SPMIP2: variants seen among roughly 807,000 people sequenced by gnomAD.
The protein encoded by SPMIP2 is protein SPMIP2.
At chr4:159,054,841 T>C in the SPMIP2 span, among the ~76,000 whole-genome samples, 5 of 126,378 alleles carry the variant, frequency 4.0e-5, no homozygotes, top group Admixed American at 9.1e-5. Flanking sequence ...GCCACTCACA[T>C]AGAAAATGCT....
the SPMIP2 span, among the ~76,000 whole-genome samples, chr4:159,072,617 C>G: frequency 1.3e-5 from 2 of 151,872 alleles, no homozygotes; most frequent in Non-Finnish European, 2.9e-5. Context: ...CACGCACCAC[C>G]ATGCCTATAT....
the SPMIP2 span, among the ~76,000 whole-genome samples, chr4:158,995,855 CAAAAAAAAAAAA>C: frequency 1.8e-4 from 13 of 70,754 alleles, no homozygotes; most frequent in Non-Finnish European, 2.9e-4. Context: ...GACTCCATCT[CAAAAAAAAAAAA>C]AAAAAAAAAA....
chr4:159,049,129 G>A, the SPMIP2 span, among the ~76,000 whole-genome samples: 1 of 152,178 alleles, frequency 6.6e-6, no homozygotes, highest in Non-Finnish European at 1.5e-5. Flanking sequence ...GGATTTCTGA[G>A]AAAACACTGT....
the SPMIP2 span, among the ~76,000 whole-genome samples, chr4:159,052,779 G>C: frequency 1.3e-5 from 2 of 150,426 alleles, no homozygotes; most frequent in South Asian, 4.2e-4. Flanking sequence ...AATTACAGGC[G>C]CCTGCCACCA....
the SPMIP2 span, chr4:158,904,635 A>G: frequency 2.7e-6 from 3 of 1,126,244 alleles, no homozygotes; most frequent in Middle Eastern, 4.0e-4. Flanking sequence ...TGTCAAAAGC[A>G]TGAGAAGAGC....
chr4:158,919,294 C>A, the SPMIP2 span, among the ~76,000 whole-genome samples: 2 of 152,204 alleles, frequency 1.3e-5, no homozygotes, highest in Admixed American at 1.3e-4. Context: ...CCAATAACAC[C>A]CATTTTGCAA....
At chr4:159,049,297 T>C in the SPMIP2 span, among the ~76,000 whole-genome samples, 91 of 152,306 alleles carry the variant, frequency 6.0e-4, no homozygotes, top group African/African-American at 2.1e-3. Flanking sequence ...AGTCTAAGAA[T>C]TGTTAAGAAT....
chr4:159,046,661 C>T, the SPMIP2 span, among the ~76,000 whole-genome samples: 1 of 152,236 alleles, frequency 6.6e-6, no homozygotes, highest in Non-Finnish European at 1.5e-5. Context: ...CAACCTCCAC[C>T]TCCCTGGTTC....
the SPMIP2 span, among the ~76,000 whole-genome samples, chr4:158,896,157 C>T: frequency 5.3e-5 from 8 of 152,284 alleles, no homozygotes; most frequent in South Asian, 2.1e-4. Flanking sequence ...CCACACTGCC[C>T]GTTTCTAGTA....
chr4:159,039,384 G>A, the SPMIP2 span, among the ~76,000 whole-genome samples: 2 of 152,174 alleles, frequency 1.3e-5, no homozygotes, highest in Admixed American at 1.3e-4. Flanking sequence ...AGTGGAGATG[G>A]GGCCTGAACT....
At chr4:159,012,512 G>A in the SPMIP2 span, among the ~76,000 whole-genome samples, 1 of 152,168 alleles carries the variant, frequency 6.6e-6, no homozygotes, top group Non-Finnish European at 1.5e-5. Context: ...AACACTGCTA[G>A]GGAAGGAGTG....
At chr4:158,916,414 C>A in the SPMIP2 span, among the ~76,000 whole-genome samples, 1 of 152,134 alleles carries the variant, frequency 6.6e-6, no homozygotes, top group Non-Finnish European at 1.5e-5. Context: ...GCCATTCTCC[C>A]AGCATACAGA....
the SPMIP2 span, among the ~76,000 whole-genome samples, chr4:159,081,999 T>C: frequency 3.3e-5 from 5 of 152,010 alleles, no homozygotes; most frequent in African/African-American, 1.2e-4. Flanking sequence ...TTAATGAACC[T>C]GGTTTACATG....
chr4:158,984,604 A>G, the SPMIP2 span, among the ~76,000 whole-genome samples: 4 of 152,188 alleles, frequency 2.6e-5, no homozygotes, highest in Non-Finnish European at 5.9e-5. Flanking sequence ...GACACAACAT[A>G]CCAGAATCTC....
the SPMIP2 span, among the ~76,000 whole-genome samples, chr4:158,922,123 C>T: frequency 1.4e-4 from 21 of 152,154 alleles, no homozygotes; most frequent in Admixed American, 9.8e-4. Context: ...CTCCTGACCT[C>T]GTGATCTGCC....
chr4:159,011,712 C>T, the SPMIP2 span, among the ~76,000 whole-genome samples: 1 of 149,038 alleles, frequency 6.7e-6, no homozygotes, highest in East Asian at 2.0e-4. Flanking sequence ...CAAGATTGCA[C>T]CATTGCACTC....
chr4:158,951,275 T>C, the SPMIP2 span, among the ~76,000 whole-genome samples: 1 of 152,158 alleles, frequency 6.6e-6, no homozygotes, highest in Non-Finnish European at 1.5e-5. Flanking sequence ...TGTGTGCACA[T>C]CATAGAGTGT....
At chr4:158,975,457 T>C in the SPMIP2 span, among the ~76,000 whole-genome samples, 11 of 152,232 alleles carry the variant, frequency 7.2e-5, no homozygotes, top group East Asian at 1.9e-4. Flanking sequence ...CTTTAATCCA[T>C]CTTGAGTTAA....
the SPMIP2 span, among the ~76,000 whole-genome samples, chr4:158,908,229 G>C: frequency 2.0e-5 from 3 of 152,234 alleles, no homozygotes; most frequent in Middle Eastern, 3.4e-3. Flanking sequence ...CTGGCACAGA[G>C]AGGCTGGGGG....
Sources: allele counts gnomAD v4.1 joint callset (sites outside exome capture counted in the v4.1 genomes callset), GRCh38; gene constraint gnomAD v4.1.1; transcripts MANE v1.5; gene names NCBI Gene and HGNC (gene_info 2026-07-23, HGNC 2026-07-21).